KMT2A: variants seen among roughly 807,000 people sequenced by gnomAD.
KMT2A encodes lysine methyltransferase 2A.
A neutral mutation model predicts 345.3 loss-of-function variants in KMT2A; 16 were observed. The ratio of observed to expected loss-of-function variants is 0.05; its 90% CI spans 0.03 to 0.07. The LOEUF (loss-of-function observed/expected upper bound fraction) is 0.07, where lower values mean the gene tolerates loss of function less well. Ranked by LOEUF, KMT2A falls within the 10% of genes least tolerant of loss-of-function variation. The pLI is 1.00. For missense variants in KMT2A, 3,272 were observed against 4,841.6 expected (o/e 0.68, Z 9.62); for synonymous variants, 1,599 against 1,778.6 (o/e 0.90, Z 2.54).
rs1555039433 is a variant in KMT2A at position 118,482,003 on chromosome 11, A to G, written c.3923A>G (p.Gln1308Arg). The change falls in exon 7 of 36, where the codon CAG becomes CGG. Residue 1308 changes from glutamine to arginine, a missense_variant. Gln to Arg is a conservative substitution (Grantham distance 43). Around this residue, in one of 27 missense-constraint regions of KMT2A, gnomAD observed 168 missense variants for 216.0 expected, o/e 0.78. Coordinates refer to ENST00000534358, the MANE Select transcript of KMT2A (RefSeq NM_001197104.2). The part of the protein sequence containing the change: ...VSQPALVIPP[Q>R]PPTTGPPRKE... ...CAGCCAGCACTGGTCATCCCGCCTC[A>G]GCCACCTACTACAGGACCGCCAAGA... is the stretch of plus-strand genomic sequence containing the variant. 6 of 1,614,122 alleles carry G rather than the reference A, an allele frequency of 3.7e-6. No individual in the cohort carries two copies. Among genetic ancestry groups the G allele is most frequent in the African/African-American group, 1.3e-5 (1 of 74,928 alleles).
chr11:118,525,691 G>A lies in KMT2A; in HGVS notation c.*3519G>A, dbSNP rs969483889. 2 of 228,418 alleles carry A rather than the reference G, an allele frequency of 8.8e-6. No individual in the cohort carries two copies. The highest frequency in any genetic ancestry group is 4.5e-5 in the African/African-American group (2 of 44,834). 14.1% of individuals were successfully genotyped at this position (228,418 alleles called of 1,614,324 possible). On this transcript the variant is annotated 3_prime_UTR_variant, in exon 36 of 36. Transcript: ENST00000534358. Reference sequence around the variant, plus strand: ...AATGAATGTATCTTTCTAAAGGACTGACGTTCAATCAAATATCTGAAAATA... The same window carrying A: ...AATGAATGTATCTTTCTAAAGGACTAACGTTCAATCAAATATCTGAAAATA...
At position 118,488,757 on chromosome 11, in the gene KMT2A, A is replaced by G; in HGVS notation, c.4476A>G (p.Thr1492=). ...CHVCGRQHQA[T]KQLLECNKCR... ...TTTGTGGAAGGCAACATCAGGCTAC[A>G]AAGGTACAAAACTTGGTAATAGAAC... Residue 1492 remains threonine, a synonymous_variant, in exon 11 of 36, where the codon ACA becomes ACG. Transcript: ENST00000534358. The G allele has an allele frequency of 6.2e-7, 1 of 1,614,070 alleles. No individual in the cohort carries two copies. The highest frequency in any genetic ancestry group is 8.5e-7 in the Non-Finnish European group (1 of 1,179,994).
intron 1 of KMT2A, among the ~76,000 whole-genome samples, chr11:118,451,129 A>G (rs1555028711): frequency 6.6e-6 from 1 of 151,716 alleles, no homozygotes; most frequent in Non-Finnish European, 1.5e-5. Flanking sequence ...AACATCTTTT[A>G]TACTCTAGGT....
rs920691579 is a variant in KMT2A, at chr11:118,523,913, G to C, written c.*1741G>C. The C allele has an allele frequency of 2.0e-5, 4 of 200,782 alleles. No individual in the cohort carries two copies. The highest frequency in any genetic ancestry group is 4.1e-5 in the Non-Finnish European group (4 of 97,572). 12.4% of individuals were successfully genotyped at this position (200,782 alleles called of 1,614,324 possible). Reference sequence around the variant, plus strand: ...CCACTCCCCTCCTTCCCCTATTGAAGCTCCTCAAAAGGCTACAGTAATATC... The same window carrying C: ...CCACTCCCCTCCTTCCCCTATTGAACCTCCTCAAAAGGCTACAGTAATATC... On this transcript the variant is annotated 3_prime_UTR_variant, in exon 36 of 36. Coordinates refer to ENST00000534358, the MANE Select transcript of KMT2A (RefSeq NM_001197104.2).
At position 118,485,951 on chromosome 11, in the gene KMT2A, C is replaced by T. The variant is rs186718622; in HGVS notation, c.4332+976C>T. Among the ~76,000 whole-genome samples the T allele has an allele frequency of 7.4e-3, 1,120 of 152,182 alleles. 12 individuals are homozygous for T. The highest frequency in any genetic ancestry group is 0.026 in the African/African-American group (1,074 of 41,518). On this transcript the variant is annotated intron_variant, in intron 10 of 35. Coordinates refer to ENST00000534358, the MANE Select transcript of KMT2A (RefSeq NM_001197104.2). ...CAAAAAAATTAGCCGGGTGTGGTGG[C>T]GGGCGCCTGTAGTCCCAGCTACTCG...
intron 11 of KMT2A, among the ~76,000 whole-genome samples, chr11:118,489,189 A>C (rs1358288301): frequency 7.3e-6 from 1 of 137,718 alleles, no homozygotes; most frequent in Non-Finnish European, 1.5e-5. Flanking sequence ...CCTGTGGTGC[A>C]GTCTGTCACT....
intron 15 of KMT2A, among the ~76,000 whole-genome samples, chr11:118,492,822 C>T (rs1950347061): frequency 6.6e-6 from 1 of 152,186 alleles, no homozygotes; most frequent in Admixed American, 6.5e-5. Context: ...ATTTCAGCTT[C>T]TTCATACTAG....
At chr11:118,478,257 T>G in intron 5 of KMT2A, 56 bp downstream of exon 5, 2 of 1,324,984 alleles carry the variant, frequency 1.5e-6, no homozygotes, top group South Asian at 2.6e-5. Context: ...GGTTGCTTAT[T>G]TATCCCTAGT....
intron 31 of KMT2A, among the ~76,000 whole-genome samples, chr11:118,512,576 C>T (rs148049276): frequency 1.3e-5 from 2 of 152,194 alleles, no homozygotes; most frequent in African/African-American, 4.8e-5. Context: ...TTTTCTGCTA[C>T]GAATAATGTT....
chr11:118,521,468 G>GGAC lies in KMT2A; in HGVS notation c.11643+52_11643+54dup. The GGAC allele has an allele frequency of 1.9e-6, 3 of 1,601,622 alleles. No individual in the cohort carries two copies. Among genetic ancestry groups the GGAC allele is most frequent in the Non-Finnish European group, 2.6e-6 (3 of 1,169,718 alleles). Reference sequence around the variant, plus strand: ...AGTTCTTTTGTTTTGCTGTAGAAAGGGACCAGTATGACCCCTGGATCACAA... The same window carrying GGAC: ...AGTTCTTTTGTTTTGCTGTAGAAAGGGACGACCAGTATGACCCCTGGATCACAA... On this transcript the variant is annotated intron_variant, in intron 35 of 35. Transcript: ENST00000534358. The surrounding 1 kb of genome is among the most constrained non-coding windows in gnomAD (Gnocchi z 5.3).
intron 15 of KMT2A, among the ~76,000 whole-genome samples, chr11:118,492,170 T>G (rs1950334233): frequency 6.6e-6 from 1 of 152,184 alleles, no homozygotes; most frequent in South Asian, 2.1e-4. Flanking sequence ...CTGAAGGTGA[T>G]AGGGAGCCAG....
chr11:118,515,489 T>C (rs1412358213), intron 31 of KMT2A, among the ~76,000 whole-genome samples: 1 of 152,168 alleles, frequency 6.6e-6, no homozygotes, highest in Non-Finnish European at 1.5e-5. Context: ...TGTCATCAAA[T>C]ACCTAGATTC....
Position 118,521,557 on chromosome 11 carries a change from A to AG in KMT2A, c.11643+144dup. 1 of 1,075,174 alleles carries AG rather than the reference A, an allele frequency of 9.3e-7. No homozygotes were observed. The highest frequency in any genetic ancestry group is 1.8e-5 in the South Asian group (1 of 54,836). 66.6% of individuals were successfully genotyped at this position (1,075,174 alleles called of 1,614,324 possible). A position where few individuals can be genotyped will look rare whatever the true frequency, so the allele number is the denominator to read the frequency against. On this transcript the variant is annotated intron_variant, in intron 35 of 35. Coordinates refer to ENST00000534358, the MANE Select transcript of KMT2A (RefSeq NM_001197104.2). The surrounding 1 kb of genome is among the most constrained non-coding windows in gnomAD (Gnocchi z 5.3). The stretch of plus-strand genomic sequence containing the variant: ...AAAAAAATAAACTCTGAAATTTGTG[A>AG]GGGGCCCAGTAAAAATACAGAATCC...
intron 1 of KMT2A, among the ~76,000 whole-genome samples, chr11:118,461,553 G>A (rs1347851461): frequency 2.0e-5 from 3 of 152,146 alleles, no homozygotes; most frequent in East Asian, 3.8e-4. Flanking sequence ...CAAGGTTTAG[G>A]TTTTGTGGCT....
Position 118,520,281 on chromosome 11 carries a change from T to G in KMT2A, c.11429+217T>G. On this transcript the variant is annotated intron_variant, in intron 33 of 35. Coordinates refer to ENST00000534358, the MANE Select transcript of KMT2A (RefSeq NM_001197104.2). This position sits in a 1 kb window ranked among gnomAD's most constrained non-coding sequence, Gnocchi z 4.3. ...AAAGAACTGTAAGATGCCTGTTTTC[T>G]TTAATGATAGTATACTCTGTCAGCT... is the stretch of plus-strand genomic sequence containing the variant. 1.8e-6 allele frequency: 1 copy of G among 547,260 alleles called. No individual in the cohort carries two copies. Among genetic ancestry groups the G allele is most frequent in the African/African-American group, 1.9e-5 (1 of 52,828 alleles). The allele number at this position is 547,260 out of a possible 1,614,324, so 33.9% of individuals were successfully genotyped here.
chr11:118,471,596 A>G, intron 2 of KMT2A, 66 bp from the exon 3 acceptor site: 2 of 1,129,796 alleles, frequency 1.8e-6, no homozygotes, highest in Non-Finnish European at 2.5e-6. Flanking sequence ...AGTTATATTC[A>G]GCTTAGTTAA....
At chr11:118,480,374 A>G in intron 6 of KMT2A, 136 bp downstream of exon 6, 1 of 610,324 alleles carries the variant, frequency 1.6e-6, no homozygotes, top group Non-Finnish European at 2.9e-6. Context: ...GAAGCTAGGT[A>G]ATAGGTACAT....
intron 1 of KMT2A, chr11:118,458,293 G>GA (rs1256712299): frequency 4.5e-6 from 1 of 222,784 alleles, no homozygotes; most frequent in East Asian, 1.6e-4. Context: ...TGTTGGTCTA[G>GA]AACTAGGCTG....
chr11:118,504,411 A>G lies in KMT2A; in HGVS notation c.8519A>G (p.Asn2840Ser). 6.2e-7 allele frequency: 1 copy of G among 1,614,068 alleles called. No homozygotes were observed. Among genetic ancestry groups the G allele is most frequent in the Non-Finnish European group, 8.5e-7 (1 of 1,179,964 alleles). Residue 2840 changes from asparagine (N) to serine (S), a missense_variant, in exon 27 of 36, where the codon AAC becomes AGC. By Grantham distance (46) the Asn-to-Ser change is conservative. Coordinates refer to ENST00000534358, the MANE Select transcript of KMT2A (RefSeq NM_001197104.2). The surrounding 1 kb of genome is among the most constrained non-coding windows in gnomAD (Gnocchi z 6.4). ...CTGAAATCAGATTCAGACAATAACA[A>G]CAGTGATGACTGTGGGAATATCCTG... ...ELLKSDSDNN[N>S]SDDCGNILPS...
Sources: gnomAD v4.1 joint callset for allele counts (sites outside exome capture counted in the v4.1 genomes callset) on GRCh38, gnomAD v4.1.1 for gene constraint, gnomAD v4.1.1 regional missense constraint, Gnocchi (gnomAD v3.1) non-coding constraint, MANE v1.5 for transcripts, NCBI Gene and HGNC (gene_info 2026-07-23, HGNC 2026-07-21) for gene names.